The following PTPRD variants were observed in gnomAD, a reference collection of about 807,000 sequenced individuals.
The protein encoded by PTPRD is protein tyrosine phosphatase receptor type D, also known as receptor-type tyrosine-protein phosphatase delta.
PTPRD carries 34 observed loss-of-function variants against 214.5 expected under a neutral mutation model. The ratio of observed to expected loss-of-function variants is 0.16; its 90% CI spans 0.12 to 0.21. The LOEUF (loss-of-function observed/expected upper bound fraction) is 0.21, where lower values mean the gene tolerates loss of function less well. Among genes scored for constraint, PTPRD ranks in the 10% least tolerant of loss-of-function variants. The probability of loss-of-function intolerance (pLI) is 1.00; values close to 1 mark genes in which losing one functional copy is unlikely to be tolerated. For synonymous variants in PTPRD, 1,128 were observed against 845.7 expected (o/e 1.33, Z -5.79); for missense variants, 2,545 against 2,398.7 (o/e 1.06, Z -1.27).
At chr9:8,346,331 C>A (rs1474533779) in intron 39 of PTPRD, among the ~76,000 whole-genome samples, 1 of 152,158 alleles carries the variant, frequency 6.6e-6, no homozygotes, top group South Asian at 2.1e-4. Context: ...ATATAAAACT[C>A]ATTGTTTCTT....
chr9:8,970,922 A>ACAC (rs747809267), intron 11 of PTPRD, among the ~76,000 whole-genome samples: 105 of 151,536 alleles, frequency 6.9e-4, no homozygotes, highest in South Asian at 4.4e-3. Flanking sequence ...AAACAAAACA[A>ACAC]CAACAAAAAC....
At chr9:8,900,390 T>C (rs945562848) in intron 11 of PTPRD, among the ~76,000 whole-genome samples, 2 of 152,306 alleles carry the variant, frequency 1.3e-5, no homozygotes, top group African/African-American at 4.8e-5. Flanking sequence ...AGAGTTTTAA[T>C]TGCTCATCTA....
chr9:8,426,796 G>C (rs930719924), intron 35 of PTPRD, among the ~76,000 whole-genome samples: 26 of 141,446 alleles, frequency 1.8e-4, no homozygotes, highest in Admixed American at 1.7e-3. Flanking sequence ...AAATGTCTGA[G>C]GTTTTTTTTT....
rs571207176 is a variant in PTPRD at position 9,412,316 on chromosome 9, C to A, written c.-236-14834G>T. ...ACAAGTGTAATATGATACCACACTG[C>A]ATCTCAAACACCCATGCCTACTGAA... On this transcript the variant is annotated intron_variant, in intron 8 of 45. Transcript: ENST00000381196. Among the ~76,000 whole-genome samples, 3 of 152,224 alleles carry A rather than the reference C, an allele frequency of 2.0e-5. No homozygotes were observed. In the East Asian group the frequency reaches 5.8e-4, roughly 30 times the overall value.
intron 3 of PTPRD, among the ~76,000 whole-genome samples, chr9:10,233,158 T>C (rs888472549): frequency 3.3e-5 from 5 of 152,050 alleles, no homozygotes; most frequent in Non-Finnish European, 5.9e-5. Flanking sequence ...ATAGTGTGGC[T>C]ACTGTTGGTG....
chr9:8,363,727 T>C (rs2134001425), intron 39 of PTPRD, among the ~76,000 whole-genome samples: 1 of 152,284 alleles, frequency 6.6e-6, no homozygotes, highest in South Asian at 2.1e-4. Flanking sequence ...TTTGATGGGA[T>C]AACTTGGAAG....
At chr9:8,348,218 G>C (rs1024914259) in intron 39 of PTPRD, among the ~76,000 whole-genome samples, 3 of 152,060 alleles carry the variant, frequency 2.0e-5, no homozygotes, top group Non-Finnish European at 2.9e-5. Flanking sequence ...CATTTATTTA[G>C]AATAATTCTG....
intron 3 of PTPRD, among the ~76,000 whole-genome samples, chr9:10,079,892 A>G (rs775881109): frequency 5.3e-5 from 8 of 151,898 alleles, no homozygotes; most frequent in Non-Finnish European, 1.2e-4. Flanking sequence ...CAGCAAATAC[A>G]TGAATAAAAC....
intron 9 of PTPRD, among the ~76,000 whole-genome samples, chr9:9,357,917 T>G (rs2054471064): frequency 6.6e-6 from 1 of 151,302 alleles, no homozygotes; most frequent in African/African-American, 2.4e-5. Flanking sequence ...TCTATTTCCT[T>G]TTACATTTCT....
chr9:8,532,200 G>T (rs577984465), intron 14 of PTPRD, among the ~76,000 whole-genome samples: 1 of 152,102 alleles, frequency 6.6e-6, no homozygotes, highest in Non-Finnish European at 1.5e-5. Flanking sequence ...GCTGTTACAC[G>T]TTGACAGTTG....
chr9:9,448,359 GT>G (rs1232887164), intron 8 of PTPRD, among the ~76,000 whole-genome samples: 4 of 152,020 alleles, frequency 2.6e-5, no homozygotes, highest in Admixed American at 6.6e-5. Flanking sequence ...GGATCATGGT[GT>G]CAGTTTCCCC....
chr9:9,255,375 T>C (rs901965489), intron 9 of PTPRD, among the ~76,000 whole-genome samples: 3 of 152,034 alleles, frequency 2.0e-5, no homozygotes, highest in Non-Finnish European at 4.4e-5. Flanking sequence ...AATTGTTTCC[T>C]CCTACTTATA....
intron 3 of PTPRD, among the ~76,000 whole-genome samples, chr9:10,222,664 G>C (rs367588100): frequency 6.6e-6 from 1 of 152,012 alleles, no homozygotes; most frequent in Admixed American, 6.6e-5. Flanking sequence ...TGCTCATAGA[G>C]GTAAACCATC....
chr9:8,796,103 T>C (rs769073358), intron 11 of PTPRD, among the ~76,000 whole-genome samples: 1 of 152,164 alleles, frequency 6.6e-6, no homozygotes, highest in Non-Finnish European at 1.5e-5. Flanking sequence ...ATGCATACTG[T>C]TGGTAGCCAC....
chr9:10,151,787 G>C (rs967980264), intron 3 of PTPRD, among the ~76,000 whole-genome samples: 58 of 152,202 alleles, frequency 3.8e-4, no homozygotes, highest in Non-Finnish European at 6.5e-4. Context: ...GGAAACCACT[G>C]ATCTGTTTTC....
chr9:8,423,510 T>C (rs984425125), intron 35 of PTPRD, among the ~76,000 whole-genome samples: 3 of 152,194 alleles, frequency 2.0e-5, no homozygotes, highest in Non-Finnish European at 4.4e-5. Context: ...AAGGTGTTTT[T>C]AGAATCTTAA....
chr9:9,974,355 T>C (rs1587895345), intron 4 of PTPRD, among the ~76,000 whole-genome samples: 1 of 152,304 alleles, frequency 6.6e-6, no homozygotes, highest in East Asian at 1.9e-4. Context: ...CACCAAGCCT[T>C]TCTCCTTTGC....
intron 8 of PTPRD, among the ~76,000 whole-genome samples, chr9:9,448,896 A>T (rs561902814): frequency 7.2e-4 from 109 of 152,162 alleles, no homozygotes; most frequent in African/African-American, 2.5e-3. Flanking sequence ...TTCCATCAGC[A>T]ACTCACTAAG....
chr9:9,300,100 C>T (rs1431134370), intron 9 of PTPRD, among the ~76,000 whole-genome samples: 2 of 150,778 alleles, frequency 1.3e-5, no homozygotes, highest in African/African-American at 2.4e-5. Context: ...CCTCACTAGA[C>T]ATGTTTGGTC....
Sources: gnomAD v4.1 joint callset for allele counts (sites outside exome capture counted in the v4.1 genomes callset) on GRCh38, gnomAD v4.1.1 for gene constraint, MANE v1.5 for transcripts, NCBI Gene and HGNC (gene_info 2026-07-23, HGNC 2026-07-21) for gene names.